The following GCFC2 variants were observed in gnomAD, a reference collection of about 807,000 sequenced individuals.
GCFC2 encodes the protein intron Large complex component GCFC2.
A neutral mutation model predicts 99.4 loss-of-function variants in GCFC2; 102 were observed. The ratio of observed to expected loss-of-function variants is 1.03; its 90% CI spans 0.87 to 1.21. GCFC2 has a LOEUF of 1.21. Among genes scored for constraint, GCFC2 ranks in the 50% most tolerant of loss-of-function variants. The pLI is 0.00. For synonymous variants in GCFC2, 338 were observed against 316.8 expected, an observed-to-expected ratio of 1.07 and a Z score of -0.71; for missense variants, 973 against 920.9, an observed-to-expected ratio of 1.06 and a Z score of -0.73.
At chr2:75,712,799 G>A (rs923677535), upstream of GCFC2, among the ~76,000 whole-genome samples, 10 of 152,138 alleles carry the variant, frequency 6.6e-5, no homozygotes, top group East Asian at 1.9e-4. Context: ...GCCACCTTAA[G>A]AGCTGTAACG....
intron 1 of GCFC2, among the ~76,000 whole-genome samples, chr2:75,706,932 CA>C (rs1461567139): frequency 6.6e-6 from 1 of 151,598 alleles, no homozygotes; most frequent in South Asian, 2.1e-4. Context: ...AAAAAAGCGA[CA>C]AAAAATGAAG....
chr2:75,673,107 G>A (rs181419193), intron 13 of GCFC2, among the ~76,000 whole-genome samples: 7 of 152,152 alleles, frequency 4.6e-5, no homozygotes, highest in East Asian at 1.9e-4. Context: ...TCAGGAGATC[G>A]AGACCATCCT....
chr2:75,708,762 G>A lies in GCFC2; in HGVS notation c.265+1829C>T, dbSNP rs140100093. On this transcript the variant is annotated intron_variant, in intron 1 of 16. Coordinates refer to ENST00000321027, the MANE Select transcript of GCFC2 (RefSeq NM_003203.5). ...CTGATCTCTTGATACACCTGCCTCG[G>A]CCTCCTAAAGTGCTGGGATTACAGG... is the stretch of plus-strand genomic sequence containing the variant. 8.6e-3 allele frequency among the ~76,000 whole-genome samples: 1,308 copies of A among 151,960 alleles called. 10 individuals carry two copies. Among genetic ancestry groups the A allele is most frequent in the South Asian group, 0.028 (136 of 4,804 alleles).
Position 75,690,629 on chromosome 2 carries a change from T to C in GCFC2, c.1226+9A>G. The C allele has an allele frequency of 4.6e-6, 6 of 1,291,156 alleles. No homozygotes were observed. The highest frequency in any genetic ancestry group is 1.2e-5 in the South Asian group (1 of 80,664). The allele number at this position is 1,291,156 out of a possible 1,614,324, so 80.0% of individuals were successfully genotyped here. On this transcript the variant is annotated intron_variant, in intron 8 of 16. Transcript: ENST00000321027. ...ATGCTTTCTTTAAATCTTCACTTTATATAGGTACCTTCGAGATTCAATCTC... is the reference window on the plus strand; with the variant it reads ...ATGCTTTCTTTAAATCTTCACTTTACATAGGTACCTTCGAGATTCAATCTC...
chr2:75,698,579 T>C (rs1212885619), intron 4 of GCFC2, among the ~76,000 whole-genome samples: 1 of 152,204 alleles, frequency 6.6e-6, no homozygotes, highest in Non-Finnish European at 1.5e-5. Flanking sequence ...TGCATGCATA[T>C]TGTGGTTCCT....
chr2:75,696,360 T>C, intron 4 of GCFC2, 45 bp from the exon 5 acceptor site: 1 of 852,136 alleles, frequency 1.2e-6, no homozygotes, highest in Non-Finnish European at 2.0e-6. Flanking sequence ...TTATTTCATT[T>C]ACCTTTGAAA....
intron 2 of GCFC2, 93 bp from the exon 3 acceptor site, chr2:75,702,516 CT>C: frequency 3.1e-6 from 3 of 975,074 alleles, no homozygotes; most frequent in Non-Finnish European, 4.5e-6. Flanking sequence ...CACCATTTTC[CT>C]AAATTATTTG....
chr2:75,695,824 G>A (rs548309875), intron 5 of GCFC2, among the ~76,000 whole-genome samples: 1 of 152,324 alleles, frequency 6.6e-6, no homozygotes, highest in East Asian at 1.9e-4. Flanking sequence ...ACAGAGCAAA[G>A]AGATGCTGGA....
At chr2:75,710,514 A>T (rs1308167596) in intron 1 of GCFC2, 77 bp downstream of exon 1, 1 of 1,414,058 alleles carries the variant, frequency 7.1e-7, no homozygotes, top group East Asian at 2.9e-5. Flanking sequence ...GAACCCCCAG[A>T]GAAGGATCCA....
At chr2:75,669,205 C>T (rs1403960213) in intron 15 of GCFC2, among the ~76,000 whole-genome samples, 1 of 152,062 alleles carries the variant, frequency 6.6e-6, no homozygotes, top group Non-Finnish European at 1.5e-5. Flanking sequence ...TTGTAAAGAG[C>T]TTTTTTATTT....
chr2:75,703,829 G>A (rs1680717258), intron 2 of GCFC2, among the ~76,000 whole-genome samples: 1 of 152,152 alleles, frequency 6.6e-6, no homozygotes. Flanking sequence ...TTAATGTGCA[G>A]GCAGGATTAA....
chr2:75,689,212 CTGTAAAATG>C lies in GCFC2; in HGVS notation c.1344_1352del (p.Asp448_Gln451delinsGlu). ...CTTCTTCAAAAACTTTCTTCTGTTTCTGTAAAATGTCACCTGTAAACAAAATAAGTCTCT... is the reference window on the plus strand; with the variant it reads ...CTTCTTCAAAAACTTTCTTCTGTTTCTCACCTGTAAACAAAATAAGTCTCT... On this transcript the variant is annotated inframe_deletion, in exon 10 of 17. Coordinates refer to ENST00000321027, the MANE Select transcript of GCFC2 (RefSeq NM_003203.5). 6.3e-7 allele frequency: 1 copy of C among 1,577,650 alleles called. No homozygotes were observed. The highest frequency in any genetic ancestry group is 8.7e-7 in the Non-Finnish European group (1 of 1,150,720).
chr2:75,709,825 AAATT>A lies in GCFC2; in HGVS notation c.265+762_265+765del, dbSNP rs529167148. 1.1e-3 allele frequency among the ~76,000 whole-genome samples: 167 copies of A among 152,350 alleles called. 1 individual carries two copies. The highest frequency in any genetic ancestry group is 3.6e-3 in the African/African-American group (151 of 41,584). On this transcript the variant is annotated intron_variant, in intron 1 of 16. Coordinates refer to ENST00000321027, the MANE Select transcript of GCFC2 (RefSeq NM_003203.5). ...GTATATACATTTTTTACTTCTCAATAAATTAATAAAAATCACTTTAATGACAATA... is the reference window on the plus strand; with the variant it reads ...GTATATACATTTTTTACTTCTCAATAAATAAAAATCACTTTAATGACAATA...
intron 15 of GCFC2, among the ~76,000 whole-genome samples, chr2:75,668,335 T>A (rs1678940435): frequency 6.6e-6 from 1 of 150,558 alleles, no homozygotes; most frequent in African/African-American, 2.5e-5. Context: ...ATATAAGTGC[T>A]AAAGAAAACA....
intron 3 of GCFC2, chr2:75,701,817 T>C: frequency 1.4e-5 from 13 of 941,642 alleles, no homozygotes; most frequent in Non-Finnish European, 1.7e-5. Context: ...GGAAATTTTT[T>C]ATTACAGCAG....
chr2:75,671,947 C>A lies in GCFC2; in HGVS notation c.1956+3G>T. 1.3e-6 allele frequency: 2 copies of A among 1,540,882 alleles called. No individual in the cohort carries two copies. Among genetic ancestry groups the A allele is most frequent in the South Asian group, 2.3e-5 (2 of 88,630 alleles). On this transcript the variant is annotated splice_donor_region_variant and intron_variant, in intron 14 of 16. Transcript: ENST00000321027. ...CCTTTTCATTTTTGCAGTTTTTGCT[C>A]ACCTTTAGGCCTGACCAGAACTGTC...
Position 75,701,248 on chromosome 2 carries a change from T to A in GCFC2, c.659A>T (p.Asp220Val). 1.9e-6 allele frequency: 3 copies of A among 1,609,310 alleles called. No homozygotes were observed. Among genetic ancestry groups the A allele is most frequent in the Non-Finnish European group, 2.6e-6 (3 of 1,175,604 alleles). ...TTGTTCCCAAGTATCTTGCTTTTCA[T>A]CTTCCTGACTTTCTTCACTTGTTTC... ...NEETSEESQE[D>V]EKQDTWEQQQ... Residue 220 changes from aspartate (D) to valine (V), a missense_variant, in exon 4 of 17, where the codon GAT becomes GTT. Physicochemically the swap from Asp to Val is radical, Grantham distance 152 (BLOSUM62 -3). Coordinates refer to ENST00000321027, the MANE Select transcript of GCFC2 (RefSeq NM_003203.5).
intron 11 of GCFC2, among the ~76,000 whole-genome samples, chr2:75,684,841 T>C (rs1371092875): frequency 6.6e-6 from 1 of 152,052 alleles, no homozygotes; most frequent in African/African-American, 2.4e-5. Context: ...ATTAAGAAAA[T>C]GTGGCACATG....
intron 6 of GCFC2, 47 bp from the exon 7 acceptor site, chr2:75,692,147 ATAT>A: frequency 2.1e-5 from 1 of 46,558 alleles, no homozygotes; most frequent in Non-Finnish European, 3.2e-5. Flanking sequence ...CGATAATGAA[ATAT>A]ATATATATAT....
Sources: allele counts gnomAD v4.1 joint callset (sites outside exome capture counted in the v4.1 genomes callset), GRCh38; gene constraint gnomAD v4.1.1; transcripts MANE v1.5; gene names NCBI Gene and HGNC (gene_info 2026-07-23, HGNC 2026-07-21).